STAG1: variants seen among roughly 807,000 people sequenced by gnomAD.
STAG1 encodes the protein STAG1 cohesin complex component, also known as cohesin subunit SA-1.
Under a neutral mutation model 170.9 loss-of-function variants are expected in STAG1, and 26 were observed. The ratio of observed to expected loss-of-function variants is 0.15; its 90% CI spans 0.11 to 0.21. The LOEUF (loss-of-function observed/expected upper bound fraction) is 0.21, where lower values mean the gene tolerates loss of function less well. Among genes scored for constraint, STAG1 ranks in the 10% least tolerant of loss-of-function variants. STAG1 has a pLI of 1.00. For synonymous variants in STAG1, 514 were observed against 497.7 expected, an observed-to-expected ratio of 1.03 and a Z score of -0.44; for missense variants, 964 against 1,509.5, an observed-to-expected ratio of 0.64 and a Z score of 5.99.
At chr3:136,444,169 G>A (rs1264915792) in intron 14 of STAG1, among the ~76,000 whole-genome samples, 2 of 151,872 alleles carry the variant, frequency 1.3e-5, no homozygotes, top group Non-Finnish European at 2.9e-5. Context: ...CACCTCCTGC[G>A]TTCAAGTGAT....
chr3:136,666,111 A>AAAAAAAAAC (rs1941760920), intron 1 of STAG1, among the ~76,000 whole-genome samples: 1 of 134,222 alleles, frequency 7.5e-6, no homozygotes, highest in Non-Finnish European at 1.6e-5. Context: ...AAAAAAAAAA[A>AAAAAAAAAC]GAAAGAAATG....
At chr3:136,684,027 A>G (rs1421461543) in intron 1 of STAG1, among the ~76,000 whole-genome samples, 1 of 152,238 alleles carries the variant, frequency 6.6e-6, no homozygotes, top group Non-Finnish European at 1.5e-5. Flanking sequence ...GAAAGAAATT[A>G]AAGAACTAAG....
chr3:136,740,018 ACT>A (rs1323032366), intron 1 of STAG1, among the ~76,000 whole-genome samples: 10 of 152,142 alleles, frequency 6.6e-5, no homozygotes, highest in Non-Finnish European at 1.2e-4. Flanking sequence ...TCCACATCTT[ACT>A]CTGCGTTTGC....
intron 5 of STAG1, among the ~76,000 whole-genome samples, chr3:136,544,880 A>C (rs1936084727): frequency 6.6e-6 from 1 of 152,216 alleles, no homozygotes; most frequent in South Asian, 2.1e-4. Context: ...AGATCCTTCC[A>C]AATAGCAGAT....
chr3:136,395,222 A>T (rs2087116580), intron 22 of STAG1, among the ~76,000 whole-genome samples: 1 of 152,266 alleles, frequency 6.6e-6, no homozygotes, highest in South Asian at 2.1e-4. Context: ...AAAGGCAAGG[A>T]ATTTCAAAAT....
Position 136,337,022 on chromosome 3 carries a change from T to C in STAG1, c.*1232A>G, listed in dbSNP as rs1935705886. The C allele has an allele frequency of 1.3e-5, 2 of 152,560 alleles. No individual in the cohort carries two copies. The highest frequency in any genetic ancestry group is 4.8e-5 in the African/African-American group (2 of 41,428). 9.5% of individuals were successfully genotyped at this position (152,560 alleles called of 1,614,324 possible). A position where few individuals can be genotyped will look rare whatever the true frequency, so the allele number is the denominator to read the frequency against. ...GCAAGTCATAAAAGTCTAGGCAGAA[T>C]GTAACTCTAAACCATTGTAGACTGT... On this transcript the variant is annotated 3_prime_UTR_variant, in exon 34 of 34. Coordinates refer to ENST00000383202, the MANE Select transcript of STAG1 (RefSeq NM_005862.3).
chr3:136,597,477 T>C (rs1469079458), intron 4 of STAG1, among the ~76,000 whole-genome samples: 2 of 152,212 alleles, frequency 1.3e-5, no homozygotes, highest in Non-Finnish European at 2.9e-5. Flanking sequence ...TCAGGTCTTT[T>C]TAATTACTCA....
At chr3:136,674,102 CA>C (rs1172904659) in intron 1 of STAG1, among the ~76,000 whole-genome samples, 125 of 44,178 alleles carry the variant, frequency 2.8e-3, no homozygotes, top group Admixed American at 3.4e-3. Context: ...GACTCTGTCT[CA>C]AAAAAAAAAA....
chr3:136,611,385 G>A (rs565469212), intron 3 of STAG1, among the ~76,000 whole-genome samples: 4 of 152,030 alleles, frequency 2.6e-5, no homozygotes, highest in Non-Finnish European at 4.4e-5. Flanking sequence ...CCGACCTCAG[G>A]TGATCCGCCC....
chr3:136,523,239 C>G, intron 6 of STAG1, among the ~76,000 whole-genome samples: 1 of 152,160 alleles, frequency 6.6e-6, no homozygotes, highest in South Asian at 2.1e-4. Context: ...TGTCATTTCC[C>G]GGCTTTTTAA....
At chr3:136,344,530 T>G (rs917604318) in intron 29 of STAG1, among the ~76,000 whole-genome samples, 2 of 152,140 alleles carry the variant, frequency 1.3e-5, no homozygotes, top group African/African-American at 4.8e-5. Flanking sequence ...GGAGATGGGT[T>G]GAAAGGTTCA....
At chr3:136,607,292 C>T (rs892114488) in intron 3 of STAG1, among the ~76,000 whole-genome samples, 5 of 152,180 alleles carry the variant, frequency 3.3e-5, no homozygotes, top group African/African-American at 9.7e-5. Flanking sequence ...TTATAATTCT[C>T]TCACATGGAA....
chr3:136,686,745 C>T (rs140488674), intron 1 of STAG1, among the ~76,000 whole-genome samples: 4 of 152,086 alleles, frequency 2.6e-5, no homozygotes, highest in Non-Finnish European at 5.9e-5. Context: ...TTTTTTTAAT[C>T]TTCTATAATT....
chr3:136,508,910 C>G (rs1051498142), intron 7 of STAG1, among the ~76,000 whole-genome samples: 7 of 151,574 alleles, frequency 4.6e-5, no homozygotes, highest in Non-Finnish European at 1.0e-4. Flanking sequence ...GAGAGAGAGA[C>G]AGAGACAGAG....
chr3:136,382,111 T>C (rs555202528), intron 22 of STAG1, among the ~76,000 whole-genome samples: 1 of 152,286 alleles, frequency 6.6e-6, no homozygotes, highest in Admixed American at 6.5e-5. Flanking sequence ...TAAATAATTA[T>C]TGGGTTTTTA....
intron 4 of STAG1, among the ~76,000 whole-genome samples, chr3:136,602,424 AT>A: frequency 6.6e-6 from 1 of 152,080 alleles, no homozygotes; most frequent in Admixed American, 6.6e-5. Flanking sequence ...AATATCTGAA[AT>A]GCAATTATCA....
At chr3:136,400,492 A>G (rs1576428762) in intron 21 of STAG1, among the ~76,000 whole-genome samples, 1 of 151,200 alleles carries the variant, frequency 6.6e-6, no homozygotes, top group African/African-American at 2.4e-5. Flanking sequence ...AAGTGCTAGG[A>G]CCATAGGCGT....
intron 1 of STAG1, among the ~76,000 whole-genome samples, chr3:136,718,880 T>C (rs1933029074): frequency 6.6e-6 from 1 of 151,782 alleles, no homozygotes; most frequent in Non-Finnish European, 1.5e-5. Flanking sequence ...TGAGCCAAGA[T>C]CACGCCACTG....
At chr3:136,571,710 CAAA>C (rs1243602888) in intron 4 of STAG1, among the ~76,000 whole-genome samples, 1 of 150,686 alleles carries the variant, frequency 6.6e-6, no homozygotes, top group South Asian at 2.1e-4. Flanking sequence ...TCATCTCTAC[CAAA>C]AAACAAAACA....
Sources: allele counts gnomAD v4.1 joint callset (sites outside exome capture counted in the v4.1 genomes callset), GRCh38; gene constraint gnomAD v4.1.1; transcripts MANE v1.5; gene names NCBI Gene and HGNC (gene_info 2026-07-23, HGNC 2026-07-21).